The following LYPLAL1 variants were observed in gnomAD, a reference collection of about 807,000 sequenced individuals.
LYPLAL1 encodes the protein lysophospholipase like 1, also known as lysophospholipase-like protein 1.
In LYPLAL1, 23 loss-of-function variants were observed where a neutral mutation model predicts 19.7. The observed-to-expected ratio is 1.17, with a 90% confidence interval of 0.84 to 1.65. The LOEUF (loss-of-function observed/expected upper bound fraction) is 1.65, where lower values mean the gene tolerates loss of function less well. LYPLAL1 is among the 40% of genes most tolerant of loss of function. The pLI, the probability that LYPLAL1 is intolerant of heterozygous loss-of-function variation, is 0.00. For missense variants in LYPLAL1, 355 were observed against 279.4 expected (o/e 1.27, Z -1.93); for synonymous variants, 119 against 96.3 (o/e 1.24, Z -1.38).
At chr1:219,391,736 A>G in the LYPLAL1 span, among the ~76,000 whole-genome samples, 1 of 152,104 alleles carries the variant, frequency 6.6e-6, no homozygotes, top group Non-Finnish European at 1.5e-5. Context: ...CTTTCTGTTG[A>G]ATTTTGTTTC....
chr1:219,236,490 A>G, the LYPLAL1 span, among the ~76,000 whole-genome samples: 1 of 152,228 alleles, frequency 6.6e-6, no homozygotes. Context: ...ACTTTCAGGC[A>G]TTAAGTCATT....
chr1:219,282,414 G>T, the LYPLAL1 span, among the ~76,000 whole-genome samples: 1 of 149,926 alleles, frequency 6.7e-6, no homozygotes, highest in African/African-American at 2.5e-5. Flanking sequence ...ATGAAGGGGG[G>T]ATATTATTGA....
At chr1:219,190,562 C>T (rs1336376668) in intron 2 of LYPLAL1, among the ~76,000 whole-genome samples, 1 of 131,118 alleles carries the variant, frequency 7.6e-6, no homozygotes, top group African/African-American at 2.9e-5. Context: ...ATCTAGAGAC[C>T]CAGAAATTTA....
At chr1:219,276,133 C>T in the LYPLAL1 span, among the ~76,000 whole-genome samples, 2 of 152,140 alleles carry the variant, frequency 1.3e-5, no homozygotes, top group Non-Finnish European at 2.9e-5. Flanking sequence ...AATCAATTTG[C>T]CTCTCACTCA....
At chr1:219,229,814 C>T in the LYPLAL1 span, among the ~76,000 whole-genome samples, 15 of 152,316 alleles carry the variant, frequency 9.8e-5, no homozygotes, top group Non-Finnish European at 2.2e-4. Context: ...GACAAGGGAA[C>T]TTTTCCCCTT....
At chr1:219,338,560 C>T in the LYPLAL1 span, among the ~76,000 whole-genome samples, 1 of 151,732 alleles carries the variant, frequency 6.6e-6, no homozygotes, top group Non-Finnish European at 1.5e-5. Flanking sequence ...AAATATCCAC[C>T]TCAATATCTT....
At chr1:219,371,737 C>T in the LYPLAL1 span, among the ~76,000 whole-genome samples, 2 of 150,058 alleles carry the variant, frequency 1.3e-5, no homozygotes, top group Admixed American at 6.8e-5. Flanking sequence ...GTTTCCCTCA[C>T]TTCCATTCTC....
chr1:219,445,312 T>C, the LYPLAL1 span, among the ~76,000 whole-genome samples: 1 of 149,214 alleles, frequency 6.7e-6, no homozygotes, highest in Non-Finnish European at 1.5e-5. Context: ...GTCCTTGAAC[T>C]TGACCAAGCA....
chr1:219,249,161 G>T, the LYPLAL1 span, among the ~76,000 whole-genome samples: 10 of 151,870 alleles, frequency 6.6e-5, no homozygotes, highest in South Asian at 2.1e-3. Context: ...ATACTCTCAG[G>T]CTTCTCATCT....
At chr1:219,331,722 A>G in the LYPLAL1 span, among the ~76,000 whole-genome samples, 5 of 152,178 alleles carry the variant, frequency 3.3e-5, no homozygotes, top group East Asian at 3.9e-4. Flanking sequence ...GGAGCCAACA[A>G]TCCAATCTAT....
chr1:219,189,687 G>T (rs567384012), intron 2 of LYPLAL1, among the ~76,000 whole-genome samples: 1 of 151,626 alleles, frequency 6.6e-6, no homozygotes, highest in African/African-American at 2.4e-5. Context: ...TGCAGCAGTT[G>T]AAAGCCTGGA....
At chr1:219,332,275 A>C in the LYPLAL1 span, among the ~76,000 whole-genome samples, 3 of 152,146 alleles carry the variant, frequency 2.0e-5, no homozygotes, top group Non-Finnish European at 4.4e-5. Flanking sequence ...AGCCAACAGC[A>C]GGATCCTGGA....
the LYPLAL1 span, among the ~76,000 whole-genome samples, chr1:219,306,889 G>C: frequency 7.4e-6 from 1 of 134,932 alleles, no homozygotes; most frequent in Non-Finnish European, 1.7e-5. Context: ...GAGATAGAAA[G>C]TAAATCTCCT....
the LYPLAL1 span, among the ~76,000 whole-genome samples, chr1:219,263,761 C>G: frequency 6.6e-6 from 1 of 152,164 alleles, no homozygotes; most frequent in Non-Finnish European, 1.5e-5. Flanking sequence ...AAATTTGTTT[C>G]AGTTCTACGT....
At chr1:219,393,706 CTG>C in the LYPLAL1 span, among the ~76,000 whole-genome samples, 1 of 151,626 alleles carries the variant, frequency 6.6e-6, no homozygotes, top group Admixed American at 6.6e-5. Context: ...CATTTCAAAA[CTG>C]TTTTTCAGTA....
At chr1:219,232,081 G>A in the LYPLAL1 span, among the ~76,000 whole-genome samples, 1 of 152,110 alleles carries the variant, frequency 6.6e-6, no homozygotes, top group Non-Finnish European at 1.5e-5. Context: ...CAGGAGACAT[G>A]TTTTCTCTTC....
chr1:219,256,435 TC>T, the LYPLAL1 span, among the ~76,000 whole-genome samples: 1 of 44,142 alleles, frequency 2.3e-5, no homozygotes, highest in Non-Finnish European at 5.2e-5. Context: ...TTTGCTTCTC[TC>T]TTTCTTTTCT....
chr1:219,213,560 T>TA (rs1339782271), downstream of LYPLAL1, among the ~76,000 whole-genome samples: 2 of 152,094 alleles, frequency 1.3e-5, no homozygotes, highest in Admixed American at 1.3e-4. Flanking sequence ...CATGATATGT[T>TA]ACTCCACTTA....
chr1:219,179,586 CCAA>C (rs1656105672), intron 2 of LYPLAL1, among the ~76,000 whole-genome samples: 1 of 152,150 alleles, frequency 6.6e-6, no homozygotes, highest in Admixed American at 6.5e-5. Flanking sequence ...CTTAATAACT[CCAA>C]CAAGTATAAT....
Sources: gnomAD v4.1 joint callset for allele counts (sites outside exome capture counted in the v4.1 genomes callset) on GRCh38, gnomAD v4.1.1 for gene constraint, MANE v1.5 for transcripts, NCBI Gene and HGNC (gene_info 2026-07-23, HGNC 2026-07-21) for gene names.